USH2A: variants seen among roughly 807,000 people sequenced by gnomAD.
The protein encoded by USH2A is usherin.
USH2A carries 443 observed loss-of-function variants against 538.9 expected under a neutral mutation model. The observed-to-expected ratio is 0.82, with a 90% CI of 0.76 to 0.89. The LOEUF (loss-of-function observed/expected upper bound fraction) is 0.89, where lower values mean the gene tolerates loss of function less well. USH2A is among the 40% of genes least tolerant of loss of function. The pLI, the probability that USH2A is intolerant of heterozygous loss-of-function variation, is 0.00. For missense variants in USH2A, 6,633 were observed against 6,324.8 expected, an observed-to-expected ratio of 1.05 and a Z score of -1.65; for synonymous variants, 2,413 against 2,273.5, an observed-to-expected ratio of 1.06 and a Z score of -1.75.
rs149776188 is a variant in USH2A at position 216,072,944 on chromosome 1, C to T, written c.5802G>A (p.Ser1934=). 235 of 1,613,800 alleles carry T rather than the reference C, an allele frequency of 1.5e-4. 1 individual carries two copies. The African/African-American group carries it at 2.4e-3, about 16-fold the overall frequency. The part of the protein sequence containing the change: ...FTEYLYRVIA[S]HEGGSVYSDW... ...CACTATATACTGAACCTCCTTCATG[C>T]GAGGCTATCACTCGATACAGGTATT... Residue 1934 remains serine (S), a synonymous_variant, in exon 29 of 72, where the codon TCG becomes TCA. Coordinates refer to ENST00000307340, the MANE Select transcript of USH2A (RefSeq NM_206933.4).
Position 216,246,641 on chromosome 1 carries a change from C to T in USH2A, c.2753G>A (p.Gly918Asp), listed in dbSNP as rs918775246. The T allele has an allele frequency of 6.2e-6, 10 of 1,614,064 alleles. No individual in the cohort carries two copies. Among genetic ancestry groups the T allele is most frequent in the South Asian group, 1.1e-5 (1 of 91,078 alleles). The change falls in exon 13 of 72, where the codon GGC (glycine) becomes GAC (aspartate). Residue 918 changes from glycine to aspartate, a missense_variant. Transcript: ENST00000307340. ...ACGATTAGGCACACACAGGCACTGG[C>T]CACTGATTGGGTCACAAATGGTCCC... is the stretch of plus-strand genomic sequence containing the variant. ...LPGTICDPIS[G>D]QCLCVPNRQG...
At chr1:215,776,850 T>C (rs1365819465) in intron 55 of USH2A, among the ~76,000 whole-genome samples, 4 of 152,180 alleles carry the variant, frequency 2.6e-5, no homozygotes, top group Non-Finnish European at 5.9e-5. Context: ...ATGAGTAACA[T>C]TATATAGATC....
chr1:216,011,183 C>T (rs916664829), intron 32 of USH2A, among the ~76,000 whole-genome samples: 8 of 152,278 alleles, frequency 5.3e-5, no homozygotes, highest in African/African-American at 1.2e-4. Context: ...CCCCATGGTG[C>T]CAAACCCGTA....
intron 11 of USH2A, among the ~76,000 whole-genome samples, chr1:216,276,668 A>T (rs2036676203): frequency 6.6e-6 from 1 of 152,162 alleles, no homozygotes; most frequent in African/African-American, 2.4e-5. Context: ...TTACAGTTCC[A>T]TATGGCTGGG....
chr1:216,127,533 T>C (rs1044210474), intron 21 of USH2A, among the ~76,000 whole-genome samples: 1 of 152,178 alleles, frequency 6.6e-6, no homozygotes, highest in African/African-American at 2.4e-5. Context: ...GAGAAAACTC[T>C]CAGGGCAATG....
At chr1:215,952,396 CTA>C (rs1213315908) in intron 37 of USH2A, among the ~76,000 whole-genome samples, 4 of 152,114 alleles carry the variant, frequency 2.6e-5, no homozygotes, top group Non-Finnish European at 5.9e-5. Flanking sequence ...CTTAATATTG[CTA>C]TGTGTGAATG....
intron 38 of USH2A, among the ~76,000 whole-genome samples, chr1:215,914,368 T>G (rs1278099909): frequency 6.6e-6 from 1 of 152,092 alleles, no homozygotes; most frequent in Non-Finnish European, 1.5e-5. Context: ...TGGACTCTTC[T>G]TATATAATAA....
At chr1:215,833,162 C>G (rs1663372479) in intron 47 of USH2A, among the ~76,000 whole-genome samples, 1 of 151,896 alleles carries the variant, frequency 6.6e-6, no homozygotes, top group African/African-American at 2.4e-5. Context: ...CAATGCAGTT[C>G]TAATCAAAAT....
rs1482911469 is a variant in USH2A, at chr1:215,625,187, G to GTAAA, written c.*590_*593dup. 1.3e-5 allele frequency: 2 copies of GTAAA among 157,160 alleles called. No homozygotes were observed. Among genetic ancestry groups the GTAAA allele is most frequent in the Admixed American group, 6.1e-5 (1 of 16,364 alleles). The allele number at this position is 157,160 out of a possible 1,614,324, so 9.7% of individuals were successfully genotyped here. A position where few individuals can be genotyped will look rare whatever the true frequency, so the allele number is the denominator to read the frequency against. On this transcript the variant is annotated 3_prime_UTR_variant, in exon 72 of 72. Transcript: ENST00000307340. ...AGTTTGGTGAGTAACCCTATGTATT[G>GTAAA]TAAATAAATAGAACCTTCAGCCTTG... is the stretch of plus-strand genomic sequence containing the variant.
chr1:216,133,083 A>G (rs150477271), intron 21 of USH2A, among the ~76,000 whole-genome samples: 353 of 152,252 alleles, frequency 2.3e-3, no homozygotes, highest in African/African-American at 8.1e-3. Flanking sequence ...CCAAGGTCAA[A>G]GAAGTTTAGA....
intron 3 of USH2A, among the ~76,000 whole-genome samples, chr1:216,410,788 A>G (rs927589350): frequency 2.0e-5 from 3 of 152,080 alleles, no homozygotes; most frequent in Non-Finnish European, 4.4e-5. Flanking sequence ...CTCATATTAC[A>G]TATTCCTTCA....
intron 30 of USH2A, among the ~76,000 whole-genome samples, chr1:216,050,429 G>A (rs1319108624): frequency 6.6e-6 from 1 of 151,860 alleles, no homozygotes; most frequent in Non-Finnish European, 1.5e-5. Flanking sequence ...GACTGAACAA[G>A]TTCAGGACTT....
rs79728922 is a variant in USH2A at position 215,935,852 on chromosome 1, A to G, written c.7121-1057T>C. Among the ~76,000 whole-genome samples the G allele has an allele frequency of 3.4e-3, 524 of 152,088 alleles. 4 individuals carry two copies. The highest frequency in any genetic ancestry group is 0.012 in the African/African-American group (505 of 41,538). The stretch of plus-strand genomic sequence containing the variant: ...AAGAGTACCACCCAGGCTAGGCAAC[A>G]TAGCAAGTCCTCATCTCTAAAAACA... On this transcript the variant is annotated intron_variant, in intron 37 of 71. Transcript: ENST00000307340.
chr1:216,165,948 T>TA (rs1299106954), intron 21 of USH2A, among the ~76,000 whole-genome samples: 1 of 152,122 alleles, frequency 6.6e-6, no homozygotes, highest in Non-Finnish European at 1.5e-5. Flanking sequence ...TAGTTTTTTT[T>TA]ATCCCTCACC....
chr1:215,685,460 C>T (rs1279249830), intron 61 of USH2A, among the ~76,000 whole-genome samples: 3 of 151,536 alleles, frequency 2.0e-5, no homozygotes, highest in Non-Finnish European at 2.9e-5. Context: ...TGGGTTCGAG[C>T]GATTCTCATG....
At chr1:215,952,462 T>G (rs142603087) in intron 37 of USH2A, among the ~76,000 whole-genome samples, 1 of 152,186 alleles carries the variant, frequency 6.6e-6, no homozygotes, top group African/African-American at 2.4e-5. Flanking sequence ...TTGATGCAGT[T>G]TCTTCCTAGC....
intron 4 of USH2A, among the ~76,000 whole-genome samples, chr1:216,352,410 G>A (rs2038305172): frequency 6.6e-6 from 1 of 152,152 alleles, no homozygotes; most frequent in Admixed American, 6.5e-5. Flanking sequence ...AGGTCAAAAA[G>A]ATAAAGACTT....
At chr1:215,925,382 G>C (rs1666211831) in intron 38 of USH2A, among the ~76,000 whole-genome samples, 1 of 151,946 alleles carries the variant, frequency 6.6e-6, no homozygotes, top group South Asian at 2.1e-4. Flanking sequence ...ACTTTCAATG[G>C]GTTGATTTTT....
chr1:215,844,234 G>T, intron 46 of USH2A, 60 bp downstream of exon 46: 1 of 1,532,806 alleles, frequency 6.5e-7, no homozygotes, highest in South Asian at 1.1e-5. Context: ...TGAAGACATA[G>T]CCTGGCATGT....
Sources: gnomAD v4.1 joint callset for allele counts (sites outside exome capture counted in the v4.1 genomes callset) on GRCh38, gnomAD v4.1.1 for gene constraint, MANE v1.5 for transcripts, NCBI Gene and HGNC (gene_info 2026-07-23, HGNC 2026-07-21) for gene names.